Variants in KPNA3 observed in about 807,000 individuals in gnomAD.
The protein encoded by KPNA3 is karyopherin subunit alpha 3.
In KPNA3, 13 loss-of-function variants were observed where a neutral mutation model predicts 73.8. That is an observed-to-expected ratio of 0.18 (90% CI 0.11 to 0.28). The LOEUF is 0.28. Ranked by LOEUF, KPNA3 falls within the 10% of genes least tolerant of loss-of-function variation. The probability of loss-of-function intolerance (pLI) is 1.00; values close to 1 mark genes in which losing one functional copy is unlikely to be tolerated. For synonymous variants in KPNA3, 186 were observed against 206.9 expected (o/e 0.90, Z 0.87); for missense variants, 360 against 618.1 (o/e 0.58, Z 4.43).
At chr13:49,717,355 G>T (rs547548631) in intron 10 of KPNA3, among the ~76,000 whole-genome samples, 9 of 150,938 alleles carry the variant, frequency 6.0e-5, no homozygotes, top group African/African-American at 1.9e-4. Context: ...CCTTCAACTC[G>T]GGAGGCGGAG....
chr13:49,779,125 T>G (rs888994315), intron 1 of KPNA3, among the ~76,000 whole-genome samples: 14 of 152,076 alleles, frequency 9.2e-5, no homozygotes, highest in Admixed American at 6.5e-4. Flanking sequence ...TTCAACTGAA[T>G]GACTTCCACA....
In KPNA3 at chr13:49,734,702, T is replaced by G. The variant is rs528394716; in HGVS notation, c.115-1656A>C. ...CCCCATGTTACCTCAGCGCAGAGTT[T>G]GGAAACTACATCTTATTCTATCATA... On this transcript the variant is annotated intron_variant, in intron 2 of 16. Transcript: ENST00000261667. 2.7e-4 allele frequency among the ~76,000 whole-genome samples: 41 copies of G among 152,202 alleles called. 1 individual carries two copies. The highest frequency in any genetic ancestry group is 5.3e-4 in the Non-Finnish European group (36 of 68,038).
chr13:49,753,918 A>C (rs183920630), intron 1 of KPNA3, among the ~76,000 whole-genome samples: 1 of 152,208 alleles, frequency 6.6e-6, no homozygotes, highest in Non-Finnish European at 1.5e-5. Context: ...CACTGTTATA[A>C]GGGAAAAAAT....
At chr13:49,786,717 CAAAGGAGATATAAGGA>C (rs778948104) in intron 1 of KPNA3, among the ~76,000 whole-genome samples, 7 of 151,932 alleles carry the variant, frequency 4.6e-5, no homozygotes, top group Non-Finnish European at 1.0e-4. Context: ...ACAGCTGGCA[CAAAGGAGATATAAGGA>C]AAAGTGCAAG....
chr13:49,741,403 T>C (rs1305895584), intron 2 of KPNA3, among the ~76,000 whole-genome samples: 1 of 152,164 alleles, frequency 6.6e-6, no homozygotes, highest in Non-Finnish European at 1.5e-5. Flanking sequence ...CAATTTTTAG[T>C]ATACCTATTA....
At chr13:49,712,239 C>T (rs1228233113) in intron 10 of KPNA3, among the ~76,000 whole-genome samples, 1 of 152,084 alleles carries the variant, frequency 6.6e-6, no homozygotes, top group African/African-American at 2.4e-5. Flanking sequence ...TACCAAGATC[C>T]AGGAAATTCT....
At chr13:49,752,094 T>C (rs894897168) in intron 1 of KPNA3, among the ~76,000 whole-genome samples, 1 of 152,172 alleles carries the variant, frequency 6.6e-6, no homozygotes, top group Non-Finnish European at 1.5e-5. Context: ...AAATCATGAA[T>C]GACTAGAGAC....
chr13:49,792,581 G>C lies in KPNA3; in HGVS notation c.-75C>G. The C allele has an allele frequency of 2.6e-6, 2 of 757,744 alleles. No individual in the cohort carries two copies. Among genetic ancestry groups the C allele is most frequent in the Non-Finnish European group, 2.1e-6 (1 of 475,944 alleles). The allele number at this position is 757,744 out of a possible 1,614,324, so 46.9% of individuals were successfully genotyped here. A position where few individuals can be genotyped will look rare whatever the true frequency, so the allele number is the denominator to read the frequency against. ...GGCGGCGAATCTTGGAGCGGGAGGG[G>C]GAGGAGGGGGAGAGCGGGAGGGGGG... is the stretch of plus-strand genomic sequence containing the variant. On this transcript the variant is annotated 5_prime_UTR_variant, in exon 1 of 17. Transcript: ENST00000261667.
At chr13:49,762,813 A>G (rs1954778768) in intron 1 of KPNA3, among the ~76,000 whole-genome samples, 1 of 151,878 alleles carries the variant, frequency 6.6e-6, no homozygotes, top group South Asian at 2.1e-4. Flanking sequence ...CTATTGTCCT[A>G]TGACCCTGCC....
chr13:49,753,426 C>T (rs1035201546), intron 1 of KPNA3, among the ~76,000 whole-genome samples: 4 of 152,172 alleles, frequency 2.6e-5, no homozygotes, highest in African/African-American at 9.7e-5. Context: ...GTTATAAACA[C>T]AACTCAAGGA....
chr13:49,762,341 G>A (rs1421632353), intron 1 of KPNA3, among the ~76,000 whole-genome samples: 4 of 152,180 alleles, frequency 2.6e-5, no homozygotes, highest in African/African-American at 9.6e-5. Context: ...CCCTCTGCCC[G>A]GCCACCACTC....
chr13:49,778,482 A>G (rs892327092), intron 1 of KPNA3, among the ~76,000 whole-genome samples: 12 of 152,330 alleles, frequency 7.9e-5, no homozygotes, highest in Middle Eastern at 3.4e-3. Flanking sequence ...TTCTTTGCTC[A>G]GTTGAACTCT....
intron 1 of KPNA3, among the ~76,000 whole-genome samples, chr13:49,762,429 G>A (rs1159610848): frequency 6.6e-6 from 1 of 152,118 alleles, no homozygotes; most frequent in Non-Finnish European, 1.5e-5. Context: ...AGAAAAGGGG[G>A]AAATGTGGGG....
intron 16 of KPNA3, 66 bp downstream of exon 16, chr13:49,702,320 G>A (rs1954155687): frequency 2.4e-6 from 2 of 843,304 alleles, no homozygotes; most frequent in Non-Finnish European, 3.9e-6. Flanking sequence ...AAAACTCTTA[G>A]TAAATTTACA....
chr13:49,767,918 CCAA>C (rs1270924053), intron 1 of KPNA3, among the ~76,000 whole-genome samples: 1 of 152,106 alleles, frequency 6.6e-6, no homozygotes, highest in African/African-American at 2.4e-5. Context: ...AATGTGAGTA[CCAA>C]CAACAAACCT....
intron 1 of KPNA3, among the ~76,000 whole-genome samples, chr13:49,780,327 A>C (rs1452112038): frequency 6.6e-6 from 1 of 152,150 alleles, no homozygotes; most frequent in Non-Finnish European, 1.5e-5. Flanking sequence ...CCTAATATTT[A>C]GGCTTTTAAA....
intron 10 of KPNA3, among the ~76,000 whole-genome samples, chr13:49,713,666 CA>C: frequency 6.6e-6 from 1 of 151,412 alleles, no homozygotes; most frequent in Non-Finnish European, 1.5e-5. Context: ...CACACACACA[CA>C]CACACACAAA....
At chr13:49,758,655 G>A (rs956057611) in intron 1 of KPNA3, among the ~76,000 whole-genome samples, 20 of 152,072 alleles carry the variant, frequency 1.3e-4, no homozygotes, top group Non-Finnish European at 2.1e-4. Context: ...CCATAGTCCT[G>A]AATTTGAATT....
chr13:49,771,271 C>T (rs1954853366), intron 1 of KPNA3, among the ~76,000 whole-genome samples: 1 of 152,180 alleles, frequency 6.6e-6, no homozygotes, highest in African/African-American at 2.4e-5. Flanking sequence ...ATTAACTCTT[C>T]CAATCCATGA....
Sources: allele counts gnomAD v4.1 joint callset (sites outside exome capture counted in the v4.1 genomes callset), GRCh38; gene constraint gnomAD v4.1.1; transcripts MANE v1.5; gene names NCBI Gene and HGNC (gene_info 2026-07-23, HGNC 2026-07-21).